NAV2: variants seen among roughly 807,000 people sequenced by gnomAD.
NAV2 encodes helicase, APC down-regulated 1.
A neutral mutation model predicts 223.2 loss-of-function variants in NAV2; 54 were observed. The observed-to-expected ratio is 0.24, with a 90% CI of 0.19 to 0.30. The LOEUF is 0.30. Among genes scored for constraint, NAV2 ranks in the 10% least tolerant of loss-of-function variants. NAV2 has a pLI of 1.00. For missense variants in NAV2, 2,806 were observed against 3,147.5 expected (o/e 0.89, Z 2.60); for synonymous variants, 1,279 against 1,239.3 (o/e 1.03, Z -0.67).
chr11:19,501,707 A>G (rs1410725058), intron 1 of NAV2, among the ~76,000 whole-genome samples: 1 of 151,774 alleles, frequency 6.6e-6, no homozygotes, highest in Non-Finnish European at 1.5e-5. Flanking sequence ...AAGATACTAG[A>G]TACTGTAGGA....
chr11:19,451,085 G>C (rs978282407), intron 1 of NAV2, among the ~76,000 whole-genome samples: 1 of 152,224 alleles, frequency 6.6e-6, no homozygotes, highest in South Asian at 2.1e-4. Context: ...CTGGCATAGA[G>C]AGCTTTAGCT....
At chr11:20,082,270 G>A (rs903844079) in intron 25 of NAV2, among the ~76,000 whole-genome samples, 1 of 152,136 alleles carries the variant, frequency 6.6e-6, no homozygotes. Context: ...GCACAGAGAG[G>A]TGACTGACAA....
In NAV2 at chr11:20,118,402, C is replaced by T; in HGVS notation, c.*144C>T. On this transcript the variant is annotated 3_prime_UTR_variant, in exon 38 of 38. Transcript: ENST00000349880. ...AACACCGAGACCCCCCGTCCTTCAG[C>T]CTCGACCTGGGTGCAGGCATCCCGG... 3 of 971,298 alleles carry T rather than the reference C, an allele frequency of 3.1e-6. No individual in the cohort carries two copies. The highest frequency in any genetic ancestry group is 4.6e-6 in the Non-Finnish European group (3 of 650,964). 60.2% of individuals were successfully genotyped at this position (971,298 alleles called of 1,614,324 possible).
intron 1 of NAV2, among the ~76,000 whole-genome samples, chr11:19,422,007 C>A (rs1210523651): frequency 2.0e-5 from 3 of 152,092 alleles, no homozygotes. Context: ...AAGCTTTATA[C>A]CTGCATCATG....
chr11:20,113,732 A>T (rs2062822950), intron 36 of NAV2, among the ~76,000 whole-genome samples: 4 of 152,232 alleles, frequency 2.6e-5, no homozygotes, highest in African/African-American at 7.2e-5. Flanking sequence ...GGACCAGCCC[A>T]GCACAGTGGC....
In NAV2 at chr11:19,585,545, C is replaced by T. The variant is rs560870537; in HGVS notation, c.75+234518C>T. The stretch of plus-strand genomic sequence containing the variant: ...TTGTTCCTTTCCATGTTTAGTGCTT[C>T]CTTCAGGAGCTCTTTTAGGGCAGGC... On this transcript the variant is annotated intron_variant, in intron 1 of 37. Coordinates refer to the NAV2 transcript ENST00000360655. Among the ~76,000 whole-genome samples, 53 of 152,252 alleles carry T rather than the reference C, an allele frequency of 3.5e-4. 2 individuals are homozygous for T. Among genetic ancestry groups the T allele is most frequent in the African/African-American group, 1.3e-3 (52 of 41,552 alleles).
intron 1 of NAV2, 76 bp from the exon 2 acceptor site, chr11:19,832,408 G>T (rs1010884666): frequency 1.8e-6 from 2 of 1,130,686 alleles, no homozygotes; most frequent in Non-Finnish European, 2.7e-6. Context: ...CCACTGTGCC[G>T]GCCCGAGCAG....
intron 1 of NAV2, among the ~76,000 whole-genome samples, chr11:19,458,773 G>A (rs1852048610): frequency 6.6e-6 from 1 of 152,246 alleles, no homozygotes; most frequent in African/African-American, 2.4e-5. Context: ...GTGCTAGCAT[G>A]GGGTGCCCCT....
intron 1 of NAV2, among the ~76,000 whole-genome samples, chr11:19,454,802 G>A (rs927092309): frequency 3.9e-5 from 6 of 152,208 alleles, no homozygotes; most frequent in Non-Finnish European, 8.8e-5. Context: ...CTAGCAAGGG[G>A]AGTGTTGGGA....
chr11:19,914,786 C>T (rs2043652009), intron 6 of NAV2, among the ~76,000 whole-genome samples: 1 of 151,886 alleles, frequency 6.6e-6, no homozygotes, highest in Non-Finnish European at 1.5e-5. Context: ...CCTCATGATC[C>T]ACCCGCCTCG....
intron 1 of NAV2, among the ~76,000 whole-genome samples, chr11:19,707,044 A>T: frequency 6.6e-6 from 1 of 152,184 alleles, no homozygotes; most frequent in East Asian, 1.9e-4. Flanking sequence ...AGATTTTTTT[A>T]AATGGTATAC....
intron 1 of NAV2, among the ~76,000 whole-genome samples, chr11:19,758,467 G>T (rs530080138): frequency 6.6e-6 from 1 of 152,188 alleles, no homozygotes; most frequent in Admixed American, 6.5e-5. Context: ...GACCAGAGGA[G>T]CAGGAAGCAG....
At chr11:19,908,861 G>A (rs73439541) in intron 6 of NAV2, among the ~76,000 whole-genome samples, 10,419 of 152,210 alleles carry the variant, frequency 0.068, 1,158 homozygotes, top group African/African-American at 0.23. Context: ...TAGGGCTGTG[G>A]GGTGGGAGTA....
chr11:19,743,087 C>A (rs781633530), intron 1 of NAV2, among the ~76,000 whole-genome samples: 6 of 152,128 alleles, frequency 3.9e-5, no homozygotes, highest in African/African-American at 1.4e-4. Context: ...AGCCTTGGTT[C>A]AAATTCTACT....
chr11:19,801,590 T>C (rs773540582), intron 1 of NAV2, among the ~76,000 whole-genome samples: 1 of 152,204 alleles, frequency 6.6e-6, no homozygotes, highest in Non-Finnish European at 1.5e-5. Context: ...CACATGGACC[T>C]CCTAGCCCTG....
chr11:19,409,336 T>C (rs1314756988), intron 1 of NAV2, among the ~76,000 whole-genome samples: 2 of 152,230 alleles, frequency 1.3e-5, no homozygotes, highest in Admixed American at 6.5e-5. Context: ...ATTTAAGCAT[T>C]GTTTTTCTGG....
chr11:19,956,407 C>G (rs1181253515), intron 10 of NAV2, among the ~76,000 whole-genome samples: 1 of 151,772 alleles, frequency 6.6e-6, no homozygotes, highest in Non-Finnish European at 1.5e-5. Flanking sequence ...CTCTCTCTCT[C>G]TCTCTCTATC....
chr11:19,836,875 A>G (rs1227941610), intron 2 of NAV2, among the ~76,000 whole-genome samples: 1 of 152,188 alleles, frequency 6.6e-6, no homozygotes, highest in African/African-American at 2.4e-5. Flanking sequence ...GCAGACAGCC[A>G]TCTTTTCACC....
At chr11:19,696,890 A>G (rs1008122382) in intron 1 of NAV2, among the ~76,000 whole-genome samples, 2 of 152,212 alleles carry the variant, frequency 1.3e-5, no homozygotes, top group East Asian at 3.9e-4. Flanking sequence ...TAGTGTTAAG[A>G]TATGATTTTC....
Sources: gnomAD v4.1 joint callset for allele counts (sites outside exome capture counted in the v4.1 genomes callset) on GRCh38, gnomAD v4.1.1 for gene constraint, MANE v1.5 for transcripts, NCBI Gene and HGNC (gene_info 2026-07-23, HGNC 2026-07-21) for gene names.